FBXL17: variants seen among roughly 807,000 people sequenced by gnomAD.
The protein encoded by FBXL17 is F-box/LRR-repeat protein 17.
A neutral mutation model predicts 66.2 loss-of-function variants in FBXL17; 22 were observed. That is an observed-to-expected ratio of 0.33 (90% CI 0.24 to 0.47). The LOEUF (loss-of-function observed/expected upper bound fraction) is 0.47, where lower values mean the gene tolerates loss of function less well. Ranked by LOEUF, FBXL17 falls within the 20% of genes least tolerant of loss-of-function variation. The probability of loss-of-function intolerance (pLI) is 1.00; values close to 1 mark genes in which losing one functional copy is unlikely to be tolerated. For synonymous variants in FBXL17, 474 were observed against 400.5 expected, an observed-to-expected ratio of 1.18 and a Z score of -2.19; for missense variants, 878 against 948.2, an observed-to-expected ratio of 0.93 and a Z score of 0.97.
At chr5:107,986,532 A>G (rs967263824) in intron 7 of FBXL17, among the ~76,000 whole-genome samples, 1 of 151,748 alleles carries the variant, frequency 6.6e-6, no homozygotes, top group Admixed American at 6.6e-5. Flanking sequence ...TAAAATCCCA[A>G]TGTGTCATAT....
At chr5:108,339,837 C>T (rs188666399) in intron 4 of FBXL17, among the ~76,000 whole-genome samples, 30 of 152,264 alleles carry the variant, frequency 2.0e-4, no homozygotes, top group Non-Finnish European at 3.7e-4. Flanking sequence ...CTAGCTTCCT[C>T]CTGAGATCCC....
chr5:108,322,450 T>G (rs1246556548), intron 4 of FBXL17, among the ~76,000 whole-genome samples: 1 of 151,940 alleles, frequency 6.6e-6, no homozygotes, highest in Non-Finnish European at 1.5e-5. Context: ...AACTTTTATG[T>G]AAATATCATC....
intron 6 of FBXL17, among the ~76,000 whole-genome samples, chr5:108,091,084 C>T (rs1189293887): frequency 1.3e-5 from 2 of 152,162 alleles, no homozygotes. Context: ...CACAATGTGA[C>T]GTTAGCAGAG....
In FBXL17 at chr5:107,861,524, A is replaced by G; in HGVS notation, c.*196T>C. On this transcript the variant is annotated 3_prime_UTR_variant, in exon 9 of 9. Transcript: ENST00000542267. ...GCTTTCATAATCTTTAATTTCTAAG[A>G]AAAAAAGCCAGCTCACTTGGGAACA... is the stretch of plus-strand genomic sequence containing the variant. 2.3e-6 allele frequency: 1 copy of G among 431,990 alleles called. No homozygotes were observed. 26.8% of individuals were successfully genotyped at this position (431,990 alleles called of 1,614,324 possible).
At chr5:108,299,135 G>A in intron 4 of FBXL17, 1 of 978,428 alleles carries the variant, frequency 1.0e-6, no homozygotes, top group Non-Finnish European at 1.2e-6. Context: ...ATTTAAAATT[G>A]TTAAAAATCT....
chr5:108,125,603 T>A (rs1750667183), intron 6 of FBXL17, among the ~76,000 whole-genome samples: 1 of 152,054 alleles, frequency 6.6e-6, no homozygotes, highest in Non-Finnish European at 1.5e-5. Context: ...AAGGAGTAGA[T>A]AATGAAATGT....
intron 7 of FBXL17, among the ~76,000 whole-genome samples, chr5:107,899,593 C>A (rs1398262189): frequency 6.6e-6 from 1 of 152,166 alleles, no homozygotes; most frequent in East Asian, 1.9e-4. Flanking sequence ...GTTATGATTG[C>A]TGCACTGCAC....
chr5:107,981,358 T>C (rs1055102595), intron 7 of FBXL17, among the ~76,000 whole-genome samples: 6 of 152,264 alleles, frequency 3.9e-5, no homozygotes, highest in African/African-American at 1.4e-4. Flanking sequence ...TGCACATCTG[T>C]GCTGGTCACG....
chr5:108,189,433 C>A (rs171756), intron 5 of FBXL17, among the ~76,000 whole-genome samples: 104,245 of 150,878 alleles, frequency 0.69, 36,503 homozygotes, highest in East Asian at 0.93. Context: ...CATGAGAGGA[C>A]GGAAAATAAT....
intron 7 of FBXL17, among the ~76,000 whole-genome samples, chr5:107,920,507 T>C (rs1229385033): frequency 6.6e-6 from 1 of 152,180 alleles, no homozygotes; most frequent in East Asian, 1.9e-4. Flanking sequence ...AAAGAGTTAA[T>C]ACAATTTCTA....
intron 6 of FBXL17, among the ~76,000 whole-genome samples, chr5:108,165,237 T>A (rs1162070154): frequency 6.6e-6 from 1 of 152,096 alleles, no homozygotes; most frequent in African/African-American, 2.4e-5. Flanking sequence ...CAAAAAGAAG[T>A]TGAGTGACAG....
At chr5:108,251,210 A>G (rs1756335661) in intron 4 of FBXL17, among the ~76,000 whole-genome samples, 1 of 152,032 alleles carries the variant, frequency 6.6e-6, no homozygotes, top group Non-Finnish European at 1.5e-5. Flanking sequence ...GCCATTGAAA[A>G]GAGTGTCCCT....
chr5:108,345,954 G>C (rs924594008), intron 4 of FBXL17, among the ~76,000 whole-genome samples: 3 of 152,066 alleles, frequency 2.0e-5, no homozygotes, highest in Non-Finnish European at 2.9e-5. Flanking sequence ...TAATTTGACT[G>C]ATTATCAGTA....
At chr5:108,264,490 G>C (rs1756967464) in intron 4 of FBXL17, among the ~76,000 whole-genome samples, 1 of 152,024 alleles carries the variant, frequency 6.6e-6, no homozygotes, top group Non-Finnish European at 1.5e-5. Context: ...TATAAAGTAG[G>C]ATAACAGGAT....
intron 7 of FBXL17, among the ~76,000 whole-genome samples, chr5:107,938,540 T>C (rs1164233729): frequency 6.6e-6 from 1 of 152,160 alleles, no homozygotes; most frequent in Non-Finnish European, 1.5e-5. Context: ...AATAAATACA[T>C]TGTATGTAAA....
intron 4 of FBXL17, among the ~76,000 whole-genome samples, chr5:108,250,536 T>C (rs1195191434): frequency 2.0e-5 from 3 of 152,138 alleles, no homozygotes; most frequent in African/African-American, 7.2e-5. Context: ...TTACTTGTTT[T>C]CTTACTGCAG....
intron 4 of FBXL17, among the ~76,000 whole-genome samples, chr5:108,236,450 T>C (rs1013751674): frequency 9.4e-5 from 14 of 148,288 alleles, no homozygotes; most frequent in East Asian, 6.0e-4. Context: ...GAAGTGGAGG[T>C]TGCAGTGAGC....
chr5:107,961,983 C>A (rs965459160), intron 7 of FBXL17, among the ~76,000 whole-genome samples: 1 of 152,104 alleles, frequency 6.6e-6, no homozygotes, highest in Non-Finnish European at 1.5e-5. Context: ...ACTCATCAGA[C>A]AGTGAAATGC....
intron 6 of FBXL17, among the ~76,000 whole-genome samples, chr5:108,163,402 T>TA (rs1192367871): frequency 1.4e-5 from 1 of 70,710 alleles, no homozygotes; most frequent in African/African-American, 3.3e-5. Context: ...TTTTTTTCTT[T>TA]TTTTTTTTTT....
Sources: allele counts gnomAD v4.1 joint callset (sites outside exome capture counted in the v4.1 genomes callset), GRCh38; gene constraint gnomAD v4.1.1; transcripts MANE v1.5; gene names NCBI Gene and HGNC (gene_info 2026-07-23, HGNC 2026-07-21).